The following EYS variants were observed in gnomAD, a reference collection of about 807,000 sequenced individuals.
The protein encoded by EYS is EGF-like photoreceptor maintenance factor.
EYS carries 250 observed loss-of-function variants against 282.1 expected under a neutral mutation model. The observed-to-expected ratio is 0.89, with a 90% CI of 0.80 to 0.98. The LOEUF is 0.98. Ranked by LOEUF, EYS falls within the 50% of genes least tolerant of loss-of-function variation. EYS has a pLI of 0.00. For missense variants in EYS, 4,016 were observed against 3,709.0 expected (o/e 1.08, Z -2.15); for synonymous variants, 1,355 against 1,282.9 (o/e 1.06, Z -1.20).
intron 2 of EYS, among the ~76,000 whole-genome samples, chr6:65,525,924 G>A (rs567687380): frequency 6.6e-6 from 1 of 152,268 alleles, no homozygotes; most frequent in East Asian, 1.9e-4. Flanking sequence ...TACATACATG[G>A]CAGTGAGTCT....
chr6:64,249,001 T>C (rs112219511), intron 30 of EYS, among the ~76,000 whole-genome samples: 5,876 of 147,244 alleles, frequency 0.04, 287 homozygotes, highest in African/African-American at 0.12. Flanking sequence ...GAGGCAGTGG[T>C]TGCAACCAGC....
intron 31 of EYS, among the ~76,000 whole-genome samples, chr6:64,145,139 G>T (rs936151202): frequency 6.6e-6 from 1 of 152,112 alleles, no homozygotes; most frequent in Admixed American, 6.6e-5. Context: ...ACAGAATGTT[G>T]TTACCTTTAG....
intron 22 of EYS, among the ~76,000 whole-genome samples, chr6:64,806,619 G>T (rs2150011559): frequency 6.6e-6 from 1 of 152,040 alleles, no homozygotes; most frequent in South Asian, 2.1e-4. Context: ...TCAGTTCAAG[G>T]TAGAAAGAGT....
intron 35 of EYS, among the ~76,000 whole-genome samples, chr6:63,979,889 A>G (rs188767328): frequency 6.6e-6 from 1 of 152,044 alleles, no homozygotes; most frequent in African/African-American, 2.4e-5. Flanking sequence ...ATGGTACTCA[A>G]AGCAGAATGA....
At chr6:65,130,898 G>C (rs1251781067) in intron 12 of EYS, among the ~76,000 whole-genome samples, 1 of 150,906 alleles carries the variant, frequency 6.6e-6, no homozygotes, top group Non-Finnish European at 1.5e-5. Context: ...TAAAAAAACT[G>C]TTTATTGTAA....
intron 13 of EYS, among the ~76,000 whole-genome samples, chr6:65,017,457 G>A (rs1266288562): frequency 6.6e-6 from 1 of 151,898 alleles, no homozygotes; most frequent in Non-Finnish European, 1.5e-5. Context: ...GTTCTTTCTT[G>A]ACCTCATTAA....
At chr6:64,455,014 AT>A (rs1449315658) in intron 26 of EYS, among the ~76,000 whole-genome samples, 1 of 152,110 alleles carries the variant, frequency 6.6e-6, no homozygotes, top group Non-Finnish European at 1.5e-5. Flanking sequence ...CATTATATTG[AT>A]GTATAGACAT....
intron 30 of EYS, among the ~76,000 whole-genome samples, chr6:64,258,628 T>C (rs1767482364): frequency 6.6e-6 from 1 of 152,046 alleles, no homozygotes; most frequent in South Asian, 2.1e-4. Context: ...TCACACAAAA[T>C]AAAAATAATC....
chr6:65,259,457 T>C (rs1488853474), intron 12 of EYS, among the ~76,000 whole-genome samples: 1 of 152,080 alleles, frequency 6.6e-6, no homozygotes, highest in African/African-American at 2.4e-5. Context: ...ACATATCCTA[T>C]CCTGAGAGAG....
chr6:64,238,023 A>C (rs948168641), intron 30 of EYS, among the ~76,000 whole-genome samples: 3 of 152,238 alleles, frequency 2.0e-5, no homozygotes, highest in Non-Finnish European at 2.9e-5. Flanking sequence ...GATAAGAATC[A>C]TACCTTAATA....
intron 31 of EYS, among the ~76,000 whole-genome samples, chr6:64,184,507 C>T (rs183466492): frequency 6.6e-6 from 1 of 152,004 alleles, no homozygotes. Flanking sequence ...AAAGCCACTT[C>T]GCTTTCTGCG....
At chr6:64,566,716 AG>A (rs2149814990) in intron 26 of EYS, among the ~76,000 whole-genome samples, 1 of 152,294 alleles carries the variant, frequency 6.6e-6, no homozygotes, top group East Asian at 1.9e-4. Flanking sequence ...GAAAACATGT[AG>A]GGAAATTACA....
intron 33 of EYS, among the ~76,000 whole-genome samples, chr6:64,038,077 G>T (rs1258234631): frequency 6.6e-6 from 1 of 151,862 alleles, no homozygotes; most frequent in African/African-American, 2.4e-5. Context: ...AATTAATCAG[G>T]TGCAATTTCT....
intron 30 of EYS, among the ~76,000 whole-genome samples, chr6:64,258,113 T>A (rs1353016681): frequency 6.6e-6 from 1 of 152,032 alleles, no homozygotes; most frequent in Non-Finnish European, 1.5e-5. Context: ...CTTCCTCCAA[T>A]CAATCTGCTT....
chr6:65,350,474 T>TA (rs373910688), intron 9 of EYS, among the ~76,000 whole-genome samples: 1 of 151,066 alleles, frequency 6.6e-6, no homozygotes, highest in Non-Finnish European at 1.5e-5. Flanking sequence ...ACTATTTATT[T>TA]AAAAAAAAAG....
chr6:64,471,605 A>G (rs555998439), intron 26 of EYS, among the ~76,000 whole-genome samples: 23 of 152,198 alleles, frequency 1.5e-4, no homozygotes, highest in Non-Finnish European at 2.8e-4. Context: ...AAATGAAAGG[A>G]TACTCAATGC....
At chr6:64,630,109 G>T (rs1386954996) in intron 22 of EYS, among the ~76,000 whole-genome samples, 2 of 151,598 alleles carry the variant, frequency 1.3e-5, no homozygotes, top group South Asian at 4.2e-4. Context: ...TTTTATTTTT[G>T]TTTTTGAGAT....
chr6:65,700,519 A>G (rs978568360), intron 1 of EYS, among the ~76,000 whole-genome samples: 7 of 152,172 alleles, frequency 4.6e-5, no homozygotes, highest in Admixed American at 1.3e-4. Context: ...TTTAATTTGT[A>G]TGGTAGTATT....
At chr6:65,343,314 G>A (rs1770267035) in intron 10 of EYS, among the ~76,000 whole-genome samples, 1 of 151,150 alleles carries the variant, frequency 6.6e-6, no homozygotes, top group African/African-American at 2.4e-5. Context: ...ATTAAAACAT[G>A]GCTTTCTTAA....
Sources: allele counts gnomAD v4.1 joint callset (sites outside exome capture counted in the v4.1 genomes callset), GRCh38; gene constraint gnomAD v4.1.1; transcripts MANE v1.5; gene names NCBI Gene and HGNC (gene_info 2026-07-23, HGNC 2026-07-21).